ANKRD6: variants seen among roughly 807,000 people sequenced by gnomAD.
ANKRD6 encodes ankyrin repeat domain 6.
In ANKRD6, 56 loss-of-function variants were observed where a neutral mutation model predicts 82.3. The observed-to-expected ratio is 0.68, with a 90% CI of 0.55 to 0.85. ANKRD6 has a LOEUF of 0.85. Among genes scored for constraint, ANKRD6 ranks in the 40% least tolerant of loss-of-function variants. The pLI, the probability that ANKRD6 is intolerant of heterozygous loss-of-function variation, is 0.00. For synonymous variants in ANKRD6, 347 were observed against 352.1 expected, an observed-to-expected ratio of 0.99 and a Z score of 0.16; for missense variants, 852 against 907.6, an observed-to-expected ratio of 0.94 and a Z score of 0.79.
At position 89,477,695 on chromosome 6, in the gene ANKRD6, CG is replaced by C. The variant is rs1247187140; in HGVS notation, c.-144+44326del. 1.9e-3 allele frequency among the ~76,000 whole-genome samples: 279 copies of C among 146,734 alleles called. 6 individuals carry two copies. Among genetic ancestry groups the C allele is most frequent in the Non-Finnish European group, 4.2e-4 (28 of 67,230 alleles). ...CTGAGGCAGGAGAATGGCATGAACC[CG>C]GGGGGTGGAGCTTGCAGTGAGCCGA... On this transcript the variant is annotated intron_variant, in intron 1 of 15. Coordinates refer to ENST00000339746, the MANE Select transcript of ANKRD6 (RefSeq NM_001242809.2).
intron 1 of ANKRD6, among the ~76,000 whole-genome samples, chr6:89,446,167 A>T (rs1251008343): frequency 6.6e-6 from 1 of 151,970 alleles, no homozygotes; most frequent in African/African-American, 2.4e-5. Flanking sequence ...AGCCTGACCA[A>T]CATGGTGAAA....
chr6:89,506,379 A>G (rs1779861942), intron 1 of ANKRD6, among the ~76,000 whole-genome samples: 1 of 152,100 alleles, frequency 6.6e-6, no homozygotes, highest in Admixed American at 6.5e-5. Context: ...CAGTGGCGCA[A>G]TCTCAGCTCA....
chr6:89,524,094 A>C (rs1249325166), intron 1 of ANKRD6, among the ~76,000 whole-genome samples: 1 of 152,182 alleles, frequency 6.6e-6, no homozygotes, highest in Non-Finnish European at 1.5e-5. Flanking sequence ...CCATCAGCTC[A>C]GCTTTTGCAC....
intron 1 of ANKRD6, among the ~76,000 whole-genome samples, chr6:89,522,663 A>G (rs1782023231): frequency 1.3e-5 from 2 of 152,232 alleles, no homozygotes; most frequent in South Asian, 4.1e-4. Flanking sequence ...TTCCTGGGTC[A>G]GCAGTTTACA....
chr6:89,598,106 T>C, intron 3 of ANKRD6: 1 of 985,416 alleles, frequency 1.0e-6, no homozygotes, highest in South Asian at 4.7e-5. Context: ...CTGATCTTTA[T>C]GGCATGGTAA....
chr6:89,566,954 T>C lies in ANKRD6; in HGVS notation c.-23T>C, dbSNP rs773322368. 2 of 1,563,694 alleles carry C rather than the reference T, an allele frequency of 1.3e-6. No homozygotes were observed. The highest frequency in any genetic ancestry group is 1.2e-5 in the South Asian group (1 of 84,866). On this transcript the variant is annotated 5_prime_UTR_variant, in exon 2 of 16. Transcript: ENST00000339746. ...TGAAGGAACTTGTCTACCGCTTCCC[T>C]GAAAACCTTTCTTTCCTAATTCATG...
rs1404069425 is a variant in ANKRD6 at position 89,606,155 on chromosome 6, G to T, written c.417+50G>T. ...GCCTCATTCACAGGTGAGGATGGCT[G>T]TGGGTTTCTCCCCCTGTGGGAGCCT... On this transcript the variant is annotated intron_variant, in intron 5 of 15. Coordinates refer to ENST00000339746, the MANE Select transcript of ANKRD6 (RefSeq NM_001242809.2). 2.1e-6 allele frequency: 3 copies of T among 1,438,886 alleles called. No individual in the cohort carries two copies. The African/African-American group carries it at 4.2e-5, about 20-fold the overall frequency. 89.1% of individuals were successfully genotyped at this position (1,438,886 alleles called of 1,614,324 possible).
chr6:89,615,467 C>T (rs1350456076), intron 7 of ANKRD6, among the ~76,000 whole-genome samples: 2 of 152,190 alleles, frequency 1.3e-5, no homozygotes, highest in South Asian at 2.1e-4. Flanking sequence ...CAGCGTGTCA[C>T]GGCACTTGAG....
In ANKRD6 at chr6:89,606,123, C is replaced by G. The variant is rs1226993514; in HGVS notation, c.417+18C>G. Reference sequence around the variant, plus strand: ...AGAACAAGGTGAGGCCTGGCAGATGCTAGAATGCCTCATTCACAGGTGAGG... The same window carrying G: ...AGAACAAGGTGAGGCCTGGCAGATGGTAGAATGCCTCATTCACAGGTGAGG... On this transcript the variant is annotated intron_variant, in intron 5 of 15. Transcript: ENST00000339746. 9 of 1,528,862 alleles carry G rather than the reference C, an allele frequency of 5.9e-6. No individual in the cohort carries two copies. The highest frequency in any genetic ancestry group is 8.0e-6 in the Non-Finnish European group (9 of 1,129,256). The allele number at this position is 1,528,862 out of a possible 1,614,324, so 94.7% of individuals were successfully genotyped here.
chr6:89,565,062 A>G (rs1046144338), intron 1 of ANKRD6, among the ~76,000 whole-genome samples: 2 of 152,254 alleles, frequency 1.3e-5, no homozygotes, highest in Non-Finnish European at 2.9e-5. Flanking sequence ...AAACCACTTC[A>G]AATAGTGTAA....
intron 1 of ANKRD6, among the ~76,000 whole-genome samples, chr6:89,566,503 G>A (rs1417985264): frequency 6.6e-6 from 1 of 152,210 alleles, no homozygotes; most frequent in Non-Finnish European, 1.5e-5. Context: ...CAAAGGCGGT[G>A]TGTAAACCAG....
chr6:89,616,271 C>G, intron 7 of ANKRD6: 2 of 400,982 alleles, frequency 5.0e-6, no homozygotes, highest in Non-Finnish European at 9.1e-6. Context: ...GCTTCAGGTC[C>G]CACCATTCTC....
In ANKRD6 at chr6:89,437,827, G is replaced by A. The variant is rs148460209; in HGVS notation, c.-144+4452G>A. Among the ~76,000 whole-genome samples the A allele has an allele frequency of 3.7e-3, 562 of 152,132 alleles. 5 individuals carry two copies. The highest frequency in any genetic ancestry group is 0.013 in the African/African-American group (531 of 41,508). On this transcript the variant is annotated intron_variant, in intron 1 of 15. Coordinates refer to ENST00000339746, the MANE Select transcript of ANKRD6 (RefSeq NM_001242809.2). ...TATTTTATTTTTGAGGCAAGGTCTC[G>A]CTGTCACCCAGGCTAGAGTGCAGTG...
chr6:89,457,861 G>A (rs138670339), intron 1 of ANKRD6, among the ~76,000 whole-genome samples: 129 of 152,254 alleles, frequency 8.5e-4, no homozygotes, highest in African/African-American at 3.0e-3. Context: ...TCTCCCCCGC[G>A]AATTCATATA....
intron 1 of ANKRD6, among the ~76,000 whole-genome samples, chr6:89,554,660 C>G (rs932822962): frequency 6.6e-6 from 1 of 152,142 alleles, no homozygotes; most frequent in Admixed American, 6.5e-5. Context: ...TGTTTCCATG[C>G]CACGTATTGT....
intron 1 of ANKRD6, among the ~76,000 whole-genome samples, chr6:89,491,136 CA>C (rs969363889): frequency 3.9e-5 from 6 of 152,292 alleles, no homozygotes; most frequent in Admixed American, 3.9e-4. Flanking sequence ...GCTCCGCCGA[CA>C]ACTTCATTTT....
At chr6:89,568,474 A>G (rs1789041700) in intron 2 of ANKRD6, among the ~76,000 whole-genome samples, 1 of 152,208 alleles carries the variant, frequency 6.6e-6, no homozygotes, top group African/African-American at 2.4e-5. Context: ...CGTTCATTAA[A>G]TTCACCTATT....
intron 1 of ANKRD6, among the ~76,000 whole-genome samples, chr6:89,465,179 G>C (rs1188949835): frequency 4.0e-5 from 6 of 150,936 alleles, no homozygotes; most frequent in African/African-American, 1.5e-4. Context: ...GAGTGCAGTG[G>C]AGCAATCTCG....
chr6:89,482,193 A>G (rs1262373820), intron 1 of ANKRD6, among the ~76,000 whole-genome samples: 1 of 152,226 alleles, frequency 6.6e-6, no homozygotes, highest in Non-Finnish European at 1.5e-5. Flanking sequence ...TGTAAATGTA[A>G]GTGCTGTAAG....
Sources: allele counts gnomAD v4.1 joint callset (sites outside exome capture counted in the v4.1 genomes callset), GRCh38; gene constraint gnomAD v4.1.1; transcripts MANE v1.5; gene names NCBI Gene and HGNC (gene_info 2026-07-23, HGNC 2026-07-21).